The following CDH18 variants were observed in gnomAD, a reference collection of about 807,000 sequenced individuals.
CDH18 encodes cadherin-18.
Under a neutral mutation model 67.9 loss-of-function variants are expected in CDH18, and 31 were observed. That is an observed-to-expected ratio of 0.46 (90% confidence interval 0.34 to 0.62). The LOEUF (loss-of-function observed/expected upper bound fraction) is 0.62, where lower values mean the gene tolerates loss of function less well. CDH18 is among the 20% of genes least tolerant of loss of function. The pLI is 0.01. For synonymous variants in CDH18, 362 were observed against 347.2 expected (o/e 1.04, Z -0.48); for missense variants, 890 against 975.5 (o/e 0.91, Z 1.17).
intron 2 of CDH18, among the ~76,000 whole-genome samples, chr5:20,064,977 C>A (rs1262922566): frequency 1.3e-5 from 2 of 151,876 alleles, no homozygotes; most frequent in Middle Eastern, 3.2e-3. Context: ...TGCACCAGTT[C>A]TGTATTTTTT....
At chr5:19,609,928 C>A (rs1002825317) in intron 6 of CDH18, among the ~76,000 whole-genome samples, 3 of 152,054 alleles carry the variant, frequency 2.0e-5, no homozygotes, top group African/African-American at 7.2e-5. Flanking sequence ...TTTCTCCAAG[C>A]AGTTTACAAT....
intron 2 of CDH18, among the ~76,000 whole-genome samples, chr5:19,964,419 GAA>G (rs541619780): frequency 5.0e-5 from 6 of 119,874 alleles, no homozygotes; most frequent in African/African-American, 9.0e-5. Flanking sequence ...TGTCTCTACA[GAA>G]AAAAAAAAAA....
chr5:20,390,381 GA>G (rs1221970194), intron 1 of CDH18, among the ~76,000 whole-genome samples: 1 of 152,140 alleles, frequency 6.6e-6, no homozygotes, highest in African/African-American at 2.4e-5. Context: ...AAAGACACAT[GA>G]AAAAATGCTC....
At chr5:19,912,391 G>C (rs978859548) in intron 2 of CDH18, among the ~76,000 whole-genome samples, 2 of 152,138 alleles carry the variant, frequency 1.3e-5, no homozygotes, top group Middle Eastern at 3.4e-3. Context: ...TGACACAGAG[G>C]ACATGTTTCT....
intron 2 of CDH18, among the ~76,000 whole-genome samples, chr5:19,948,857 A>T (rs1795517554): frequency 6.6e-6 from 1 of 152,202 alleles, no homozygotes; most frequent in South Asian, 2.1e-4. Context: ...TGAAGAAAAT[A>T]TATTAAATGT....
intron 1 of CDH18, among the ~76,000 whole-genome samples, chr5:20,514,462 T>C (rs546280186): frequency 6.6e-6 from 1 of 152,236 alleles, no homozygotes; most frequent in African/African-American, 2.4e-5. Context: ...TCACAAAATC[T>C]CTTCCCTTGT....
At chr5:20,520,670 G>A (rs1410589878) in intron 1 of CDH18, among the ~76,000 whole-genome samples, 1 of 152,162 alleles carries the variant, frequency 6.6e-6, no homozygotes, top group Non-Finnish European at 1.5e-5. Flanking sequence ...AGGGAGATAT[G>A]AAGAGAGATG....
chr5:19,655,397 T>A (rs868108483), intron 5 of CDH18, among the ~76,000 whole-genome samples: 1 of 151,698 alleles, frequency 6.6e-6, no homozygotes, highest in Non-Finnish European at 1.5e-5. Flanking sequence ...AGTTGTTGCA[T>A]TAGTGAATAT....
intron 1 of CDH18, among the ~76,000 whole-genome samples, chr5:19,983,275 T>G (rs1301781241): frequency 1.3e-5 from 2 of 152,094 alleles, no homozygotes; most frequent in Non-Finnish European, 2.9e-5. Flanking sequence ...TAGTTACATA[T>G]AAGTCATATG....
At chr5:20,284,236 A>G (rs1235688729) in intron 1 of CDH18, among the ~76,000 whole-genome samples, 3 of 151,996 alleles carry the variant, frequency 2.0e-5, no homozygotes, top group African/African-American at 7.2e-5. Context: ...TTAAACAACT[A>G]AAAGGATATA....
At chr5:20,078,786 G>A (rs1370736947) in intron 2 of CDH18, among the ~76,000 whole-genome samples, 1 of 151,776 alleles carries the variant, frequency 6.6e-6, no homozygotes, top group South Asian at 2.1e-4. Flanking sequence ...TTTTTTGTGT[G>A]TGTGTTTTTA....
chr5:20,359,125 T>C (rs1741879894), intron 1 of CDH18, among the ~76,000 whole-genome samples: 1 of 151,890 alleles, frequency 6.6e-6, no homozygotes. Context: ...GAGAAGTGCT[T>C]TCTCTATGTT....
In CDH18 at chr5:20,369,051, TTTC is replaced by T. The variant is rs200972164; in HGVS notation, c.-579-113549_-579-113547del. 6.5e-3 allele frequency among the ~76,000 whole-genome samples: 996 copies of T among 152,256 alleles called. 6 individuals carry two copies. Among genetic ancestry groups the T allele is most frequent in the Non-Finnish European group, 0.01 (706 of 68,032 alleles). ...TCACTTAGAGTTGGAAATAAATCTT[TTTC>T]TTCTTCTTCTTCTCAGCTTGCCCTT... On this transcript the variant is annotated intron_variant, in intron 1 of 14. Transcript: ENST00000507958.
chr5:19,529,870 C>T (rs1332253485), intron 9 of CDH18, among the ~76,000 whole-genome samples: 1 of 151,960 alleles, frequency 6.6e-6, no homozygotes, highest in Non-Finnish European at 1.5e-5. Flanking sequence ...GTCCATGCTC[C>T]CAAATTGAAA....
chr5:20,377,392 G>C (rs1015262258), intron 1 of CDH18, among the ~76,000 whole-genome samples: 1 of 152,142 alleles, frequency 6.6e-6, no homozygotes, highest in Admixed American at 6.5e-5. Context: ...AGTTTCAAGA[G>C]AATCATCATT....
At chr5:20,019,502 A>C (rs1185523712) in intron 2 of CDH18, among the ~76,000 whole-genome samples, 1 of 152,144 alleles carries the variant, frequency 6.6e-6, no homozygotes, top group Non-Finnish European at 1.5e-5. Flanking sequence ...TGCTGGTCTC[A>C]TAATAATGAG....
intron 2 of CDH18, chr5:19,886,360 T>C (rs1018451124): frequency 1.3e-5 from 2 of 152,044 alleles, no homozygotes; most frequent in African/African-American, 4.8e-5. Flanking sequence ...GTAGAGGAGA[T>C]TGCATGAGTA....
intron 2 of CDH18, among the ~76,000 whole-genome samples, chr5:20,047,506 C>A (rs1196862247): frequency 6.6e-6 from 1 of 151,732 alleles, no homozygotes; most frequent in Admixed American, 6.6e-5. Flanking sequence ...CAGTTAAGTG[C>A]AACACATGTC....
At chr5:19,682,572 G>A (rs552361184) in intron 5 of CDH18, among the ~76,000 whole-genome samples, 2 of 152,058 alleles carry the variant, frequency 1.3e-5, no homozygotes, top group South Asian at 2.1e-4. Flanking sequence ...GTCAATTTTT[G>A]TTGTTGTTTC....
Sources: allele counts gnomAD v4.1 joint callset (sites outside exome capture counted in the v4.1 genomes callset), GRCh38; gene constraint gnomAD v4.1.1; transcripts MANE v1.5; gene names NCBI Gene and HGNC (gene_info 2026-07-23, HGNC 2026-07-21).